MYLK: variants seen among roughly 807,000 people sequenced by gnomAD.
MYLK encodes the protein myosin light chain kinase, also known as myosin light chain kinase, smooth muscle.
A neutral mutation model predicts 203.4 loss-of-function variants in MYLK; 106 were observed. The observed-to-expected ratio is 0.52, with a 90% CI of 0.45 to 0.61. The LOEUF (loss-of-function observed/expected upper bound fraction) is 0.61, where lower values mean the gene tolerates loss of function less well. Among genes scored for constraint, MYLK ranks in the 20% least tolerant of loss-of-function variants. The pLI, the probability that MYLK is intolerant of heterozygous loss-of-function variation, is 0.00. For synonymous variants in MYLK, 867 were observed against 959.5 expected, an observed-to-expected ratio of 0.90 and a Z score of 1.78; for missense variants, 2,072 against 2,442.3, an observed-to-expected ratio of 0.85 and a Z score of 3.20.
Position 123,733,725 on chromosome 3 carries a change from T to A in MYLK, c.1271A>T (p.Glu424Val), listed in dbSNP as rs779309547. 2.5e-6 allele frequency: 4 copies of A among 1,614,100 alleles called. No homozygotes were observed. Among genetic ancestry groups the A allele is most frequent in the Admixed American group, 1.7e-5 (1 of 60,008 alleles). ...PKFESKPQSQ[E>V]VKENQTVKFR... Reference sequence around the variant, plus strand: ...CTTGACAGTTTGATTTTCCTTGACCTCCTGGCTTTGGGGCTTGCTCTCAAA... The same window carrying A: ...CTTGACAGTTTGATTTTCCTTGACCACCTGGCTTTGGGGCTTGCTCTCAAA... The change falls in exon 10 of 34, where the codon GAG (glutamate) becomes GTG (valine). Residue 424 changes from glutamate (E) to valine (V), a missense_variant. Transcript: ENST00000360304.
At chr3:123,738,677 A>T (rs1031459359) in intron 7 of MYLK, among the ~76,000 whole-genome samples, 3 of 152,150 alleles carry the variant, frequency 2.0e-5, no homozygotes, top group African/African-American at 2.4e-5. Context: ...TATAAAGAGG[A>T]GTTCCCCTGC....
chr3:123,763,737 T>C (rs573825277), intron 4 of MYLK, among the ~76,000 whole-genome samples: 2 of 152,198 alleles, frequency 1.3e-5, no homozygotes, highest in African/African-American at 2.4e-5. Flanking sequence ...ACTTTTAGAA[T>C]CTTCTTTTCA....
intron 1 of MYLK, among the ~76,000 whole-genome samples, chr3:123,882,902 C>A (rs921203372): frequency 6.6e-6 from 1 of 152,146 alleles, no homozygotes; most frequent in Non-Finnish European, 1.5e-5. Flanking sequence ...AAGAGAATCA[C>A]GGAAGAGAGA....
At chr3:123,821,918 G>C (rs1412973900) in intron 3 of MYLK, among the ~76,000 whole-genome samples, 4 of 152,176 alleles carry the variant, frequency 2.6e-5, no homozygotes, top group Non-Finnish European at 5.9e-5. Flanking sequence ...CACTGCAACG[G>C]TTTTGAGAGG....
At chr3:123,682,100 C>A in intron 20 of MYLK, 124 bp downstream of exon 20, 1 of 777,516 alleles carries the variant, frequency 1.3e-6, no homozygotes, top group South Asian at 1.5e-5. Flanking sequence ...GGGCAGACAT[C>A]AGACTTCCAG....
At chr3:123,842,096 T>A (rs1389885298) in intron 2 of MYLK, among the ~76,000 whole-genome samples, 1 of 152,096 alleles carries the variant, frequency 6.6e-6, no homozygotes, top group Non-Finnish European at 1.5e-5. Context: ...CAATATTATA[T>A]ACAATATCTA....
chr3:123,755,832 T>C (rs1440352733), intron 4 of MYLK, among the ~76,000 whole-genome samples: 1 of 152,134 alleles, frequency 6.6e-6, no homozygotes, highest in African/African-American at 2.4e-5. Flanking sequence ...AGGGCTGCCA[T>C]GTATAGACTC....
At chr3:123,811,660 C>T (rs1180199103) in intron 3 of MYLK, among the ~76,000 whole-genome samples, 1 of 152,104 alleles carries the variant, frequency 6.6e-6, no homozygotes, top group Non-Finnish European at 1.5e-5. Flanking sequence ...GTGTTAGATG[C>T]TCTCTCTCGC....
At position 123,733,957 on chromosome 3, in the gene MYLK, G is replaced by A; in HGVS notation, c.1039C>T (p.Leu347=). The A allele has an allele frequency of 6.2e-7, 1 of 1,614,210 alleles. No individual in the cohort carries two copies. The highest frequency in any genetic ancestry group is 2.2e-5 in the East Asian group (1 of 44,864). ...VLQKTSSSIT[L]QAARVQPEPR... Reference sequence around the variant, plus strand: ...TCCGGCTGAACTCTTGCGGCCTGCAGGGTGATGGAGCTGGAAGTCTTCTGA... The same window carrying A: ...TCCGGCTGAACTCTTGCGGCCTGCAAGGTGATGGAGCTGGAAGTCTTCTGA... The change falls in exon 10 of 34, where the codon CTG becomes TTG. Residue 347 remains leucine, a synonymous_variant. Transcript: ENST00000360304.
intron 5 of MYLK, 117 bp from the exon 6 acceptor site, chr3:123,740,118 A>G: frequency 1.0e-6 from 1 of 967,102 alleles, no homozygotes; most frequent in Non-Finnish European, 1.7e-6. Flanking sequence ...ATCTTGACTG[A>G]GCATGGGCTG....
At chr3:123,639,915 C>T (rs2058772548) in intron 28 of MYLK, among the ~76,000 whole-genome samples, 1 of 152,150 alleles carries the variant, frequency 6.6e-6, no homozygotes, top group South Asian at 2.1e-4. Context: ...GCCACCATCA[C>T]CAAAATGACT....
chr3:123,842,585 A>G (rs547977797), intron 2 of MYLK, among the ~76,000 whole-genome samples: 1 of 89,890 alleles, frequency 1.1e-5, no homozygotes, highest in African/African-American at 4.7e-5. Flanking sequence ...GCAAAAGGCT[A>G]TAATGCAAGT....
chr3:123,705,784 T>C (rs2061438831), intron 16 of MYLK, among the ~76,000 whole-genome samples: 1 of 152,130 alleles, frequency 6.6e-6, no homozygotes, highest in Non-Finnish European at 1.5e-5. Context: ...CTTATCACAT[T>C]TGCCAAGATT....
chr3:123,701,341 AC>A, intron 17 of MYLK, 96 bp downstream of exon 17: 2 of 1,298,206 alleles, frequency 1.5e-6, no homozygotes, highest in Admixed American at 3.4e-5. Context: ...GCTGCAGGAC[AC>A]AAACAATCTA....
At chr3:123,714,702 T>G (rs1380911288) in intron 13 of MYLK, among the ~76,000 whole-genome samples, 1 of 152,216 alleles carries the variant, frequency 6.6e-6, no homozygotes, top group East Asian at 1.9e-4. Context: ...CAGAAAGGGC[T>G]GAGTCTCCTT....
chr3:123,622,800 C>A (rs1370845614), intron 31 of MYLK: 1 of 152,208 alleles, frequency 6.6e-6, no homozygotes, highest in Non-Finnish European at 1.5e-5. Flanking sequence ...TTCTAGTCTT[C>A]CAGTTTTATG....
intron 29 of MYLK, 144 bp downstream of exon 29, chr3:123,637,927 G>A: frequency 8.2e-7 from 1 of 1,223,438 alleles, no homozygotes; most frequent in East Asian, 2.5e-5. Flanking sequence ...GATAGGAGGG[G>A]AGCCTGCCAC....
chr3:123,643,200 A>G (rs2058895105), intron 27 of MYLK, among the ~76,000 whole-genome samples: 1 of 152,210 alleles, frequency 6.6e-6, no homozygotes, highest in Admixed American at 6.5e-5. Context: ...TTGTGTATCA[A>G]GTTGGCTTTG....
chr3:123,629,620 A>G lies in MYLK; in HGVS notation c.4968T>C (p.Ser1656=). ...SIGVICYILV[S]GLSPFMGDND... Reference sequence around the variant, plus strand: ...TGTCTCCCATGAAGGGGGAAAGGCCACTGACTCTGGAGAGACAAGAGCAGG... The same window carrying G: ...TGTCTCCCATGAAGGGGGAAAGGCCGCTGACTCTGGAGAGACAAGAGCAGG... The change falls in exon 30 of 34, where the codon AGT becomes AGC. Residue 1656 remains serine (S), a synonymous_variant. Transcript: ENST00000360304. The surrounding 1 kb of genome is among the most constrained non-coding windows in gnomAD (Gnocchi z 4.4). 2 of 1,613,772 alleles carry G rather than the reference A, an allele frequency of 1.2e-6. No homozygotes were observed. Among genetic ancestry groups the G allele is most frequent in the Non-Finnish European group, 8.5e-7 (1 of 1,180,032 alleles).
Sources: gnomAD v4.1 joint callset for allele counts (sites outside exome capture counted in the v4.1 genomes callset) on GRCh38, gnomAD v4.1.1 for gene constraint, Gnocchi (gnomAD v3.1) non-coding constraint, MANE v1.5 for transcripts, NCBI Gene and HGNC (gene_info 2026-07-23, HGNC 2026-07-21) for gene names.